NFX1: variants seen among roughly 807,000 people sequenced by gnomAD.
The protein encoded by NFX1 is transcriptional repressor NF-X1.
A neutral mutation model predicts 137.2 loss-of-function variants in NFX1; 69 were observed. The ratio of observed to expected loss-of-function variants is 0.50; its 90% CI spans 0.41 to 0.61. The LOEUF is 0.61. Among genes scored for constraint, NFX1 ranks in the 20% least tolerant of loss-of-function variants. The pLI, the probability that NFX1 is intolerant of heterozygous loss-of-function variation, is 0.00. For missense variants in NFX1, 1,167 were observed against 1,391.0 expected, an observed-to-expected ratio of 0.84 and a Z score of 2.56; for synonymous variants, 495 against 474.1, an observed-to-expected ratio of 1.04 and a Z score of -0.57.
chr9:33,319,250 C>A, intron 9 of NFX1, 123 bp downstream of exon 9: 1 of 800,152 alleles, frequency 1.2e-6, no homozygotes, highest in Non-Finnish European at 2.0e-6. Flanking sequence ...ATATTATGAT[C>A]ATATTTATGT....
intron 15 of NFX1, among the ~76,000 whole-genome samples, chr9:33,351,114 T>C (rs1823620684): frequency 6.6e-6 from 1 of 152,132 alleles, no homozygotes; most frequent in Non-Finnish European, 1.5e-5. Context: ...GCCACTGTAC[T>C]CCAGCCTGGG....
chr9:33,340,606 T>A (rs1390961382), intron 12 of NFX1, among the ~76,000 whole-genome samples: 1 of 152,218 alleles, frequency 6.6e-6, no homozygotes, highest in Non-Finnish European at 1.5e-5. Context: ...TCTCAGAAAA[T>A]AGGATTTTCT....
At chr9:33,309,085 C>T (rs200131309) in intron 5 of NFX1, among the ~76,000 whole-genome samples, 1 of 152,140 alleles carries the variant, frequency 6.6e-6, no homozygotes. Flanking sequence ...TGGCTGGGCG[C>T]GGTGGCTCAT....
intron 4 of NFX1, 136 bp downstream of exon 4, chr9:33,303,404 T>A (rs1450974281): frequency 4.2e-6 from 3 of 711,260 alleles, no homozygotes; most frequent in Non-Finnish European, 7.1e-6. Context: ...AGACTGTAAT[T>A]ATGTGGTCCA....
intron 18 of NFX1, 119 bp downstream of exon 18, chr9:33,354,306 C>T (rs910067110): frequency 2.6e-6 from 2 of 774,530 alleles, no homozygotes; most frequent in African/African-American, 3.6e-5. Flanking sequence ...AATAAGTATT[C>T]AATAGACAAT....
At chr9:33,300,228 C>T (rs1234158715) in intron 2 of NFX1, among the ~76,000 whole-genome samples, 1 of 151,724 alleles carries the variant, frequency 6.6e-6, no homozygotes, top group Non-Finnish European at 1.5e-5. Context: ...CCACGCCCAG[C>T]TAATTTTTGT....
chr9:33,340,047 G>A (rs1300063574), intron 12 of NFX1, among the ~76,000 whole-genome samples: 1 of 152,216 alleles, frequency 6.6e-6, no homozygotes, highest in Non-Finnish European at 1.5e-5. Context: ...CCATTCTGGG[G>A]TCTGGAGGAC....
chr9:33,305,912 T>C (rs114516137), intron 4 of NFX1, among the ~76,000 whole-genome samples: 1,542 of 151,344 alleles, frequency 0.01, 19 homozygotes, highest in African/African-American at 0.036. Flanking sequence ...CTGAGAGGAG[T>C]AGTTAAGACC....
At chr9:33,308,792 A>G (rs1282962768) in intron 5 of NFX1, among the ~76,000 whole-genome samples, 1 of 152,230 alleles carries the variant, frequency 6.6e-6, no homozygotes, top group Non-Finnish European at 1.5e-5. Context: ...CAAATCTAAG[A>G]GTAAACCAGA....
chr9:33,328,607 T>G lies in NFX1; in HGVS notation c.1933T>G (p.Cys645Gly). ...TTTCATTCATACCTGTGAAAAGCTC[T>G]GCCATGAAGGAGACTGTGGACCATG... ...LDFIHTCEKL[C>G]HEGDCGPCSR... Residue 645 changes from cysteine (C) to glycine (G), a missense_variant, in exon 10 of 24, where the codon TGC becomes GGC. By Grantham distance (159) the Cys-to-Gly change is radical. Around this residue, in one of 3 missense-constraint regions of NFX1, gnomAD observed 488 missense variants for 691.5 expected, o/e 0.71. Coordinates refer to ENST00000379540, the MANE Select transcript of NFX1 (RefSeq NM_002504.6). 6.2e-7 allele frequency: 1 copy of G among 1,611,820 alleles called. No individual in the cohort carries two copies. The highest frequency in any genetic ancestry group is 8.5e-7 in the Non-Finnish European group (1 of 1,178,124).
chr9:33,352,574 T>C, intron 16 of NFX1, 72 bp from the exon 17 acceptor site: 2 of 1,303,982 alleles, frequency 1.5e-6, no homozygotes, highest in Non-Finnish European at 2.2e-6. Context: ...AAGAGAGGAT[T>C]TAAGAGTGAA....
At chr9:33,367,230 A>G (rs1394909920) in intron 22 of NFX1, among the ~76,000 whole-genome samples, 1 of 152,236 alleles carries the variant, frequency 6.6e-6, no homozygotes, top group Non-Finnish European at 1.5e-5. Flanking sequence ...TAATGTGACC[A>G]GGAGGGGACA....
At chr9:33,321,378 A>T (rs1822377697) in intron 9 of NFX1, among the ~76,000 whole-genome samples, 1 of 152,148 alleles carries the variant, frequency 6.6e-6, no homozygotes, top group Non-Finnish European at 1.5e-5. Flanking sequence ...GATAACAATG[A>T]CTGTCAGGTT....
rs536239699 is a variant in NFX1, at chr9:33,293,749, A to G, written c.26-671A>G. On this transcript the variant is annotated intron_variant, in intron 1 of 23. Coordinates refer to ENST00000379540, the MANE Select transcript of NFX1 (RefSeq NM_002504.6). Reference sequence around the variant, plus strand: ...AGTGGGTTGAAGGGGAGTATGCTTAATTTTTTCCACTTTGGGATTGTAGAC... The same window carrying G: ...AGTGGGTTGAAGGGGAGTATGCTTAGTTTTTTCCACTTTGGGATTGTAGAC... 5.3e-5 allele frequency among the ~76,000 whole-genome samples: 8 copies of G among 152,258 alleles called. No homozygotes were observed. The South Asian group carries it at 1.7e-3, about 32-fold the overall frequency.
chr9:33,319,541 G>A (rs1249920413), intron 9 of NFX1, among the ~76,000 whole-genome samples: 1 of 152,082 alleles, frequency 6.6e-6, no homozygotes, highest in African/African-American at 2.4e-5. Context: ...ACAGAGTCTC[G>A]CTCTGTCGCC....
At chr9:33,366,208 C>T (rs561026055) in intron 21 of NFX1, among the ~76,000 whole-genome samples, 1 of 152,244 alleles carries the variant, frequency 6.6e-6, no homozygotes, top group East Asian at 1.9e-4. Context: ...TGTTTCTCTG[C>T]TTGTGTGTCT....
chr9:33,349,263 A>G (rs1823548360), intron 15 of NFX1, among the ~76,000 whole-genome samples: 2 of 152,210 alleles, frequency 1.3e-5, no homozygotes, highest in African/African-American at 4.8e-5. Context: ...GGAGGCAGGC[A>G]TGAAAACAGA....
In NFX1 at chr9:33,303,235, G is replaced by A; in HGVS notation, c.1237G>A (p.Ala413Thr). ...WRCPACQNVS[A>T]HVPNTYTCFC... The stretch of plus-strand genomic sequence containing the variant: ...GTGCCCTGCCTGTCAGAATGTTTCT[G>A]CACATGTTCCTAATACCTACACTTG... Residue 413 changes from alanine (A) to threonine (T), a missense_variant, in exon 4 of 24, where the codon GCA becomes ACA. Transcript: ENST00000379540. 6.2e-7 allele frequency: 1 copy of A among 1,614,068 alleles called. No homozygotes were observed. Among genetic ancestry groups the A allele is most frequent in the African/African-American group, 1.3e-5 (1 of 75,008 alleles).
In NFX1 at chr9:33,301,507, T is replaced by G; in HGVS notation, c.1192+86T>G. 8 of 1,409,954 alleles carry G rather than the reference T, an allele frequency of 5.7e-6. 1 individual carries two copies. The South Asian group carries it at 1.2e-4, about 21-fold the overall frequency. The allele number at this position is 1,409,954 out of a possible 1,614,324, so 87.3% of individuals were successfully genotyped here. On this transcript the variant is annotated intron_variant, in intron 3 of 23. Coordinates refer to ENST00000379540, the MANE Select transcript of NFX1 (RefSeq NM_002504.6). ...TAAGCCCAGCTTTAAAAATACAGTT[T>G]AATTTCTCTTAACTACTTTTTCTGC...
Sources: allele counts gnomAD v4.1 joint callset (sites outside exome capture counted in the v4.1 genomes callset), GRCh38; gene constraint gnomAD v4.1.1; regional missense constraint gnomAD v4.1.1; transcripts MANE v1.5; gene names NCBI Gene and HGNC (gene_info 2026-07-23, HGNC 2026-07-21).